The following CDK13 variants were observed in gnomAD, a reference collection of about 807,000 sequenced individuals.
The protein encoded by CDK13 is cyclin dependent kinase 13.
In CDK13, 40 loss-of-function variants were observed where a neutral mutation model predicts 137.6. That is an observed-to-expected ratio of 0.29 (90% CI 0.23 to 0.38). The LOEUF is 0.38. Among genes scored for constraint, CDK13 ranks in the 10% least tolerant of loss-of-function variants. The probability of loss-of-function intolerance (pLI) is 1.00; values close to 1 mark genes in which losing one functional copy is unlikely to be tolerated. For missense variants in CDK13, 1,704 were observed against 1,951.8 expected, an observed-to-expected ratio of 0.87 and a Z score of 2.39; for synonymous variants, 869 against 760.1, an observed-to-expected ratio of 1.14 and a Z score of -2.36.
chr7:39,965,889 C>G (rs375178414), intron 1 of CDK13, among the ~76,000 whole-genome samples: 25 of 152,248 alleles, frequency 1.6e-4, no homozygotes, highest in East Asian at 1.2e-3. Context: ...CTTAGTTTGG[C>G]TGGATATGAA....
Position 39,950,754 on chromosome 7 carries a change from C to T in CDK13, c.113C>T (p.Pro38Leu). 6.8e-7 allele frequency: 1 copy of T among 1,475,802 alleles called. No individual in the cohort carries two copies. The highest frequency in any genetic ancestry group is 8.9e-7 in the Non-Finnish European group (1 of 1,120,976). 91.4% of individuals were successfully genotyped at this position (1,475,802 alleles called of 1,614,324 possible). ...CGATTCCTGTCCCCTCAGCAGCCGC[C>T]GCTGCTGTTGCCGCTCCTGCAGCCG... ...RRRFLSPQQPPLLLPLLQPQL... is the reference protein window; with the variant it reads ...RRRFLSPQQPLLLLPLLQPQL... Residue 38 changes from proline (P) to leucine (L), a missense_variant, in exon 1 of 14, where the codon CCG becomes CTG. Pro to Leu is a moderately conservative substitution (Grantham distance 98). Transcript: ENST00000181839.
chr7:40,061,209 CA>C (rs1786138968), intron 7 of CDK13: 1 of 152,086 alleles, frequency 6.6e-6, no homozygotes, highest in African/African-American at 2.4e-5. Context: ...AGTAAACAAG[CA>C]AAAATCACTG....
chr7:40,045,083 G>T (rs908070788), intron 5 of CDK13, among the ~76,000 whole-genome samples: 1 of 151,966 alleles, frequency 6.6e-6, no homozygotes, highest in Non-Finnish European at 1.5e-5. Context: ...TAAAAATTAG[G>T]AACTTATCTG....
chr7:40,066,884 A>G (rs1254368890), intron 9 of CDK13: 1 of 152,026 alleles, frequency 6.6e-6, no homozygotes, highest in African/African-American at 2.4e-5. Context: ...TAAATTATAT[A>G]TCTGTGTATC....
intron 5 of CDK13, among the ~76,000 whole-genome samples, chr7:40,017,922 G>A (rs1308515285): frequency 2.7e-5 from 4 of 148,796 alleles, no homozygotes; most frequent in South Asian, 2.1e-4. Context: ...AAATTCCCAC[G>A]TTCTTTTTTT....
At chr7:40,032,282 ACTG>A (rs1324387619) in intron 5 of CDK13, among the ~76,000 whole-genome samples, 1 of 152,032 alleles carries the variant, frequency 6.6e-6, no homozygotes, top group Admixed American at 6.6e-5. Context: ...CGTTGCCCAG[ACTG>A]GTTTCGAACT....
intron 1 of CDK13, among the ~76,000 whole-genome samples, chr7:39,981,704 A>T (rs973305633): frequency 6.6e-6 from 1 of 152,190 alleles, no homozygotes; most frequent in African/African-American, 2.4e-5. Context: ...GTAGAGAAAT[A>T]AAAGAGTTGG....
chr7:39,988,705 T>C (rs866043405), intron 2 of CDK13, among the ~76,000 whole-genome samples: 39 of 152,312 alleles, frequency 2.6e-4, no homozygotes, highest in Middle Eastern at 3.4e-3. Context: ...CTTTTTAGTT[T>C]AGTCTTTTCT....
chr7:39,958,001 C>T (rs544204820), intron 1 of CDK13, among the ~76,000 whole-genome samples: 1 of 152,156 alleles, frequency 6.6e-6, no homozygotes, highest in African/African-American at 2.4e-5. Flanking sequence ...GTGTTGGAAG[C>T]AAAAGTACCA....
chr7:40,087,223 A>AACC (rs1786807381), intron 11 of CDK13, among the ~76,000 whole-genome samples: 1 of 152,086 alleles, frequency 6.6e-6, no homozygotes, highest in South Asian at 2.1e-4. Flanking sequence ...AGCTCACTGC[A>AACC]ACCACCACCA....
chr7:40,000,522 C>G (rs1187900005), intron 4 of CDK13, among the ~76,000 whole-genome samples: 1 of 152,050 alleles, frequency 6.6e-6, no homozygotes, highest in Non-Finnish European at 1.5e-5. Flanking sequence ...CAGTCAGGGC[C>G]ACAGAACGAG....
At chr7:39,999,115 C>T (rs1784626289) in intron 3 of CDK13, 1 of 305,972 alleles carries the variant, frequency 3.3e-6, no homozygotes, top group Admixed American at 5.0e-5. Context: ...AGCTCTACTA[C>T]TTTTTTTCTC....
At position 40,095,767 on chromosome 7, in the gene CDK13, ACT is replaced by A. The variant is rs1170823120; in HGVS notation, c.*790_*791del. 5 of 152,064 alleles carry A rather than the reference ACT, an allele frequency of 3.3e-5. No homozygotes were observed. The East Asian group carries it at 5.8e-4, about 18-fold the overall frequency. 9.4% of individuals were successfully genotyped at this position (152,064 alleles called of 1,614,324 possible). ...AATCAATGCATTAAAAAGGCAAGAA[ACT>A]CTGAAGTTTCAGGGGCTGCCTGTTC... On this transcript the variant is annotated 3_prime_UTR_variant, in exon 14 of 14. Transcript: ENST00000181839.
At chr7:39,999,580 G>T in intron 4 of CDK13, 80 bp downstream of exon 4, 2 of 1,367,964 alleles carry the variant, frequency 1.5e-6, no homozygotes, top group South Asian at 3.1e-5. Context: ...TTTGGCTTCA[G>T]AAATTTTCCA....
rs73392788 is a variant in CDK13 at position 40,087,095 on chromosome 7, G to A, written c.3030-1031G>A. ...CAGGATTACAGGCATGAGCTGCTGC[G>A]CCTGGCCCTTTACTACTTTTTTATC... On this transcript the variant is annotated intron_variant, in intron 11 of 13. Coordinates refer to ENST00000181839, the MANE Select transcript of CDK13 (RefSeq NM_003718.5). Among the ~76,000 whole-genome samples, 968 of 152,062 alleles carry A rather than the reference G, an allele frequency of 6.4e-3. 12 individuals are homozygous for A. Among genetic ancestry groups the A allele is most frequent in the African/African-American group, 0.021 (879 of 41,466 alleles).
intron 1 of CDK13, among the ~76,000 whole-genome samples, chr7:39,967,759 C>T (rs1783903959): frequency 6.6e-6 from 1 of 152,170 alleles, no homozygotes; most frequent in Non-Finnish European, 1.5e-5. Flanking sequence ...TGTTATCTTT[C>T]ATTTTTTTGA....
At chr7:40,050,489 T>G (rs1049421611) in intron 7 of CDK13, among the ~76,000 whole-genome samples, 4 of 152,210 alleles carry the variant, frequency 2.6e-5, no homozygotes, top group Non-Finnish European at 5.9e-5. Context: ...CCTCCCGGGT[T>G]CTAGCGATTC....
rs891969368 is a variant in CDK13, at chr7:39,990,611, A to G, written c.1871+2353A>G. On this transcript the variant is annotated intron_variant, in intron 2 of 13. Coordinates refer to ENST00000181839, the MANE Select transcript of CDK13 (RefSeq NM_003718.5). ...ACAGGAGACTTATTTTATATTTACTATTTATAATACTGTTAGAAGTACAAT... is the reference window on the plus strand; with the variant it reads ...ACAGGAGACTTATTTTATATTTACTGTTTATAATACTGTTAGAAGTACAAT... Among the ~76,000 whole-genome samples, 4 of 152,312 alleles carry G rather than the reference A, an allele frequency of 2.6e-5. No individual in the cohort carries two copies. In the South Asian group the frequency reaches 8.3e-4, roughly 32 times the overall value.
At chr7:39,957,253 AATCCCACT>A (rs1399594321) in intron 1 of CDK13, among the ~76,000 whole-genome samples, 2 of 152,022 alleles carry the variant, frequency 1.3e-5, no homozygotes, top group Non-Finnish European at 2.9e-5. Context: ...TCCAGCCTTA[AATCCCACT>A]ATCTTGAGAC....
Sources: allele counts gnomAD v4.1 joint callset (sites outside exome capture counted in the v4.1 genomes callset), GRCh38; gene constraint gnomAD v4.1.1; transcripts MANE v1.5; gene names NCBI Gene and HGNC (gene_info 2026-07-23, HGNC 2026-07-21).